Variants in MARCHF3 observed in about 807,000 individuals in gnomAD.
The protein encoded by MARCHF3 is membrane associated ring-CH-type finger 3, also known as E3 ubiquitin-protein ligase MARCHF3.
A neutral mutation model predicts 24.2 loss-of-function variants in MARCHF3; 13 were observed. That is an observed-to-expected ratio of 0.54 (90% confidence interval 0.35 to 0.85). MARCHF3 has a LOEUF of 0.85. Ranked by LOEUF, MARCHF3 falls within the 40% of genes least tolerant of loss-of-function variation. The pLI is 0.01. For synonymous variants in MARCHF3, 144 were observed against 137.3 expected (o/e 1.05, Z -0.34); for missense variants, 276 against 325.0 (o/e 0.85, Z 1.16).
rs1752899936 is a variant in MARCHF3, at chr5:126,869,689, A to C, written c.*944T>G. On this transcript the variant is annotated 3_prime_UTR_variant, in exon 5 of 5. Coordinates refer to ENST00000308660, the MANE Select transcript of MARCHF3 (RefSeq NM_178450.5). ...CAAAACAGGTCTAGGGTTCCTAGAA[A>C]TGTCTAATGATCCTCCAATTCATTA... 1 of 150,008 alleles carries C rather than the reference A, an allele frequency of 6.7e-6. No individual in the cohort carries two copies. The highest frequency in any genetic ancestry group is 1.5e-5 in the Non-Finnish European group (1 of 67,878). The allele number at this position is 150,008 out of a possible 1,614,324, so 9.3% of individuals were successfully genotyped here.
At chr5:126,918,980 TA>T (rs1181550348) in intron 1 of MARCHF3, among the ~76,000 whole-genome samples, 1 of 152,264 alleles carries the variant, frequency 6.6e-6, no homozygotes, top group Non-Finnish European at 1.5e-5. Flanking sequence ...GTTTGTGTAC[TA>T]CCTAAAATGC....
At chr5:127,025,471 C>T (rs530106909) in intron 1 of MARCHF3, among the ~76,000 whole-genome samples, 1 of 152,238 alleles carries the variant, frequency 6.6e-6, no homozygotes, top group Admixed American at 6.5e-5. Context: ...TTCTTACCAC[C>T]CTGTCTGGCA....
intron 3 of MARCHF3, among the ~76,000 whole-genome samples, chr5:126,914,149 A>C (rs1754636660): frequency 6.6e-6 from 1 of 151,632 alleles, no homozygotes; most frequent in South Asian, 2.1e-4. Flanking sequence ...ATGCCCGGCT[A>C]ATTTTTTGTA....
At chr5:126,906,246 A>C (rs1376754665) in intron 3 of MARCHF3, among the ~76,000 whole-genome samples, 1 of 151,768 alleles carries the variant, frequency 6.6e-6, no homozygotes, top group Non-Finnish European at 1.5e-5. Flanking sequence ...TTTTGCATCA[A>C]TGTTCATCAA....
chr5:127,006,963 C>A (rs955301605), intron 1 of MARCHF3, among the ~76,000 whole-genome samples: 11 of 152,112 alleles, frequency 7.2e-5, no homozygotes, highest in Non-Finnish European at 1.6e-4. Context: ...AAGGAAACAG[C>A]TGCTTCTTAA....
intron 1 of MARCHF3, among the ~76,000 whole-genome samples, chr5:127,017,684 T>C (rs1161432966): frequency 6.6e-6 from 1 of 152,200 alleles, no homozygotes; most frequent in Non-Finnish European, 1.5e-5. Context: ...CATCATAAAG[T>C]TGAAAAAAGT....
chr5:126,978,984 C>T (rs1751298153), intron 1 of MARCHF3, among the ~76,000 whole-genome samples: 1 of 152,230 alleles, frequency 6.6e-6, no homozygotes, highest in South Asian at 2.1e-4. Context: ...TGATGTGGAA[C>T]TCCCCTAAGA....
intron 1 of MARCHF3, among the ~76,000 whole-genome samples, chr5:126,952,097 T>C (rs747609258): frequency 6.6e-6 from 1 of 152,196 alleles, no homozygotes; most frequent in African/African-American, 2.4e-5. Context: ...TCTGATCACC[T>C]TGGCCTCCCA....
intron 1 of MARCHF3, among the ~76,000 whole-genome samples, chr5:126,975,356 T>C (rs372728327): frequency 2.0e-5 from 3 of 152,242 alleles, no homozygotes; most frequent in Admixed American, 2.0e-4. Flanking sequence ...TTCTTCTCTT[T>C]TTAATTGACA....
At chr5:127,027,561 G>A (rs552259897) in intron 1 of MARCHF3, among the ~76,000 whole-genome samples, 1 of 152,270 alleles carries the variant, frequency 6.6e-6, no homozygotes, top group South Asian at 2.1e-4. Flanking sequence ...CTAAGACTGG[G>A]GTTTGTGGGG....
intron 1 of MARCHF3, among the ~76,000 whole-genome samples, chr5:127,025,306 A>AT (rs1234454909): frequency 6.1e-5 from 6 of 98,830 alleles, no homozygotes; most frequent in Non-Finnish European, 9.6e-5. Flanking sequence ...GGAAAAAGTT[A>AT]TTAAAAAAAA....
intron 3 of MARCHF3, among the ~76,000 whole-genome samples, chr5:126,905,513 C>G (rs1276782583): frequency 6.6e-6 from 1 of 151,078 alleles, no homozygotes; most frequent in Non-Finnish European, 1.5e-5. Context: ...TGTAGTTCTC[C>G]TAGAAGAGGT....
chr5:126,953,194 A>T (rs1353893675), intron 1 of MARCHF3, among the ~76,000 whole-genome samples: 1 of 152,156 alleles, frequency 6.6e-6, no homozygotes, highest in Non-Finnish European at 1.5e-5. Flanking sequence ...TGTTGACAAA[A>T]ACAGCATATT....
At chr5:126,889,922 G>C (rs73335458) in intron 3 of MARCHF3, among the ~76,000 whole-genome samples, 2,423 of 152,280 alleles carry the variant, frequency 0.016, 61 homozygotes, top group African/African-American at 0.052. Flanking sequence ...TGTTCACATT[G>C]TCTAAGCTGT....
chr5:126,965,820 T>C (rs1750797189), intron 1 of MARCHF3, among the ~76,000 whole-genome samples: 1 of 152,216 alleles, frequency 6.6e-6, no homozygotes, highest in African/African-American at 2.4e-5. Flanking sequence ...GAAAGGAGTT[T>C]GGCAGTCTCT....
chr5:126,910,311 T>C (rs1391894291), intron 3 of MARCHF3, among the ~76,000 whole-genome samples: 1 of 152,232 alleles, frequency 6.6e-6, no homozygotes, highest in Non-Finnish European at 1.5e-5. Flanking sequence ...AAACTGATGT[T>C]ACAAGCATGC....
In MARCHF3 at chr5:126,946,882, G is replaced by A. The variant is rs539737689; in HGVS notation, c.-56-28655C>T. Among the ~76,000 whole-genome samples, 4 of 151,902 alleles carry A rather than the reference G, an allele frequency of 2.6e-5. No homozygotes were observed. The South Asian group carries it at 8.3e-4, about 32-fold the overall frequency. ...TAACTCAGTAATTGGAACCATCTAA[G>A]ACAAGTTGCTGCCCAACCAATTGGC... is the stretch of plus-strand genomic sequence containing the variant. On this transcript the variant is annotated intron_variant, in intron 1 of 4. Coordinates refer to ENST00000308660, the MANE Select transcript of MARCHF3 (RefSeq NM_178450.5).
At chr5:126,969,843 C>T (rs982100294) in intron 1 of MARCHF3, among the ~76,000 whole-genome samples, 1 of 152,134 alleles carries the variant, frequency 6.6e-6, no homozygotes, top group Non-Finnish European at 1.5e-5. Flanking sequence ...TGCTGCTGGC[C>T]CTAAGACCAC....
intron 1 of MARCHF3, among the ~76,000 whole-genome samples, chr5:126,929,069 T>G (rs76338662): frequency 0.022 from 3,422 of 152,332 alleles, 114 homozygotes; most frequent in African/African-American, 0.079. Context: ...ACACATCATA[T>G]TTGGATGTTA....
Sources: allele counts gnomAD v4.1 joint callset (sites outside exome capture counted in the v4.1 genomes callset), GRCh38; gene constraint gnomAD v4.1.1; transcripts MANE v1.5; gene names NCBI Gene and HGNC (gene_info 2026-07-23, HGNC 2026-07-21).